Variants in NRG3 observed in about 807,000 individuals in gnomAD.
The protein encoded by NRG3 is pro-neuregulin-3, membrane-bound isoform.
In NRG3, 31 loss-of-function variants were observed where a neutral mutation model predicts 66.9. The observed-to-expected ratio is 0.46, with a 90% CI of 0.35 to 0.63. The LOEUF is 0.63. Ranked by LOEUF, NRG3 falls within the 20% of genes least tolerant of loss-of-function variation. The pLI is 0.00. For synonymous variants in NRG3, 393 were observed against 359.4 expected, an observed-to-expected ratio of 1.09 and a Z score of -1.06; for missense variants, 910 against 878.9, an observed-to-expected ratio of 1.04 and a Z score of -0.45.
chr10:82,870,115 G>A (rs886307275), intron 4 of NRG3, among the ~76,000 whole-genome samples: 12 of 149,800 alleles, frequency 8.0e-5, no homozygotes, highest in African/African-American at 9.9e-5. Flanking sequence ...TGATCTGCCC[G>A]CCTCAGCCTC....
chr10:82,551,601 A>G (rs1233871080), intron 2 of NRG3, among the ~76,000 whole-genome samples: 3 of 127,344 alleles, frequency 2.4e-5, no homozygotes, highest in African/African-American at 1.1e-4. Context: ...TTATTTTAAA[A>G]TACTGTTTTT....
chr10:82,479,928 A>G (rs1842118437), intron 2 of NRG3, among the ~76,000 whole-genome samples: 1 of 152,240 alleles, frequency 6.6e-6, no homozygotes, highest in South Asian at 2.1e-4. Context: ...AGATGGCGCC[A>G]CTGCACTCCA....
chr10:82,465,238 T>C (rs893688766), intron 2 of NRG3, among the ~76,000 whole-genome samples: 2 of 152,134 alleles, frequency 1.3e-5, no homozygotes, highest in African/African-American at 4.8e-5. Flanking sequence ...ATGGAGCACA[T>C]TTGCAAGAGA....
At chr10:82,285,270 C>T (rs976897480) in intron 1 of NRG3, among the ~76,000 whole-genome samples, 5 of 152,040 alleles carry the variant, frequency 3.3e-5, no homozygotes, top group Non-Finnish European at 7.4e-5. Context: ...GGGGTGGAGA[C>T]TCGGTTTACC....
At chr10:82,655,157 T>A (rs1021216099) in intron 2 of NRG3, among the ~76,000 whole-genome samples, 1 of 151,934 alleles carries the variant, frequency 6.6e-6, no homozygotes, top group African/African-American at 2.4e-5. Context: ...TTAGAAATAG[T>A]ACAGTGAAAG....
rs770531502 is a variant in NRG3, at chr10:82,985,070, A to G, written c.1584-28A>G. 10 of 1,601,182 alleles carry G rather than the reference A, an allele frequency of 6.2e-6. No homozygotes were observed. In the East Asian group the frequency reaches 2.0e-4, roughly 32 times the overall value. Reference sequence around the variant, plus strand: ...TCTAACAAAGCCTGGTAGAAAGCAGAAGGAGTAACACTGTGTTTCTTTTTC... The same window carrying G: ...TCTAACAAAGCCTGGTAGAAAGCAGGAGGAGTAACACTGTGTTTCTTTTTC... On this transcript the variant is annotated intron_variant, in intron 8 of 8. Coordinates refer to ENST00000372141, the MANE Select transcript of NRG3 (RefSeq NM_001010848.4).
chr10:82,288,183 C>G (rs1161281579), intron 1 of NRG3, among the ~76,000 whole-genome samples: 1 of 152,092 alleles, frequency 6.6e-6, no homozygotes, highest in African/African-American at 2.4e-5. Context: ...AATAAATTAT[C>G]TATAGATTTA....
chr10:82,507,504 C>T (rs1415979755), intron 2 of NRG3, among the ~76,000 whole-genome samples: 1 of 152,186 alleles, frequency 6.6e-6, no homozygotes, highest in Non-Finnish European at 1.5e-5. Context: ...ATATCCAGTC[C>T]ACTAGAATAG....
intron 2 of NRG3, among the ~76,000 whole-genome samples, chr10:82,459,803 A>C (rs2091433412): frequency 6.6e-6 from 1 of 152,210 alleles, no homozygotes; most frequent in Non-Finnish European, 1.5e-5. Context: ...CACAGAAAAT[A>C]TCAGCAGAAG....
At chr10:82,699,782 A>G (rs968184942) in intron 2 of NRG3, among the ~76,000 whole-genome samples, 6 of 151,978 alleles carry the variant, frequency 3.9e-5, no homozygotes, top group Non-Finnish European at 8.8e-5. Context: ...TCCATGAATT[A>G]TTCTTCTCCA....
chr10:82,385,621 G>T (rs1292557572), intron 2 of NRG3, among the ~76,000 whole-genome samples: 1 of 152,078 alleles, frequency 6.6e-6, no homozygotes, highest in Non-Finnish European at 1.5e-5. Context: ...GGAATAAGGA[G>T]GGCAATATTT....
At chr10:82,517,295 G>C (rs1381429424) in intron 2 of NRG3, among the ~76,000 whole-genome samples, 1 of 152,018 alleles carries the variant, frequency 6.6e-6, no homozygotes, top group East Asian at 1.9e-4. Context: ...TGGAGTCATT[G>C]CTGGTAGTGA....
intron 2 of NRG3, among the ~76,000 whole-genome samples, chr10:82,435,779 CTTT>C (rs1158502018): frequency 7.4e-5 from 8 of 108,272 alleles, no homozygotes; most frequent in African/African-American, 2.2e-4. Context: ...CTTTTCTTTT[CTTT>C]TTTTTTTTTT....
At chr10:82,783,179 A>G (rs1206668700) in intron 3 of NRG3, among the ~76,000 whole-genome samples, 2 of 152,192 alleles carry the variant, frequency 1.3e-5, no homozygotes, top group African/African-American at 4.8e-5. Flanking sequence ...AAAACTCTCA[A>G]TAAATTAGGT....
At chr10:82,798,521 G>T (rs1395023350) in intron 3 of NRG3, among the ~76,000 whole-genome samples, 2 of 152,092 alleles carry the variant, frequency 1.3e-5, no homozygotes, top group Admixed American at 6.5e-5. Context: ...AAGAAGGCCA[G>T]AAAACTGAAT....
intron 4 of NRG3, among the ~76,000 whole-genome samples, chr10:82,922,586 G>A (rs12246767): frequency 0.37 from 56,218 of 151,862 alleles, 10,804 homozygotes; most frequent in East Asian, 0.63. Flanking sequence ...ATGCACCTGT[G>A]GATGATAGAG....
At chr10:82,784,719 G>T (rs1169616307) in intron 3 of NRG3, among the ~76,000 whole-genome samples, 1 of 151,932 alleles carries the variant, frequency 6.6e-6, no homozygotes, top group Non-Finnish European at 1.5e-5. Context: ...GTGCTGGAGA[G>T]GATATGGAGA....
chr10:82,223,153 G>A (rs2076017360), intron 1 of NRG3, among the ~76,000 whole-genome samples: 1 of 149,682 alleles, frequency 6.7e-6, no homozygotes, highest in Admixed American at 6.6e-5. Context: ...GAAAGGCAAT[G>A]CATGGGACAG....
At chr10:82,236,909 G>T (rs1305074557) in intron 1 of NRG3, among the ~76,000 whole-genome samples, 2 of 151,846 alleles carry the variant, frequency 1.3e-5, no homozygotes, top group Non-Finnish European at 2.9e-5. Flanking sequence ...TAGAGACGGG[G>T]TTTCACCGTG....
Sources: gnomAD v4.1 joint callset for allele counts (sites outside exome capture counted in the v4.1 genomes callset) on GRCh38, gnomAD v4.1.1 for gene constraint, MANE v1.5 for transcripts, NCBI Gene and HGNC (gene_info 2026-07-23, HGNC 2026-07-21) for gene names.